CFAP65: variants seen among roughly 807,000 people sequenced by gnomAD.
CFAP65 encodes cilia and flagella associated protein 65.
A neutral mutation model predicts 208.0 loss-of-function variants in CFAP65; 155 were observed. That is an observed-to-expected ratio of 0.75 (90% confidence interval 0.65 to 0.85). The LOEUF (loss-of-function observed/expected upper bound fraction) is 0.85. Ranked by LOEUF, CFAP65 falls within the 40% of genes least tolerant of loss-of-function variation. The probability of loss-of-function intolerance (pLI) is 0.00; values close to 1 mark genes in which losing one functional copy is unlikely to be tolerated. For missense variants in CFAP65, 2,294 were observed against 2,451.3 expected (o/e 0.94, Z 1.36); for synonymous variants, 970 against 986.3 (o/e 0.98, Z 0.31).
chr2:219,038,370 C>T lies in CFAP65; in HGVS notation c.357+5G>A. The stretch of plus-strand genomic sequence containing the variant: ...CTGCTCTGCCTGCCCTGGCTGTATC[C>T]TTACCTGGGCGCTGATGGTGCTGCA... On this transcript the variant is annotated splice_donor_5th_base_variant and intron_variant, in intron 4 of 34. Transcript: ENST00000341552. 1 of 1,612,068 alleles carries T rather than the reference C, an allele frequency of 6.2e-7. No individual in the cohort carries two copies. Among genetic ancestry groups the T allele is most frequent in the Non-Finnish European group, 8.5e-7 (1 of 1,179,702 alleles).
At chr2:219,022,958 T>G (rs558709824) in intron 16 of CFAP65, among the ~76,000 whole-genome samples, 1 of 152,314 alleles carries the variant, frequency 6.6e-6, no homozygotes, top group African/African-American at 2.4e-5. Context: ...TCAGAAACAC[T>G]GGTTCCAGTC....
intron 19 of CFAP65, among the ~76,000 whole-genome samples, chr2:219,020,595 G>A (rs1466974880): frequency 6.6e-6 from 1 of 152,102 alleles, no homozygotes; most frequent in Non-Finnish European, 1.5e-5. Flanking sequence ...GCCCAGGCTG[G>A]TCTCGAACTC....
At position 219,003,328 on chromosome 2, in the gene CFAP65, G is replaced by T; in HGVS notation, c.5556-56C>A. The T allele has an allele frequency of 2.7e-6, 4 of 1,472,624 alleles. No individual in the cohort carries two copies. The South Asian group carries it at 4.2e-5, about 15-fold the overall frequency. The allele number at this position is 1,472,624 out of a possible 1,614,324, so 91.2% of individuals were successfully genotyped here. A position where few individuals can be genotyped will look rare whatever the true frequency, so the allele number is the denominator to read the frequency against. On this transcript the variant is annotated intron_variant, in intron 33 of 34. Transcript: ENST00000341552. The surrounding 1 kb of genome is among the most constrained non-coding windows in gnomAD (Gnocchi z 4.4). ...GGCCGCAGTGCCCGCGCGCCTCCTC[G>T]CTCGCCTGTCCGTGCGGTACATTGT...
rs1211157985 is a variant in CFAP65 at position 219,006,031 on chromosome 2, A to G, written c.4912T>C (p.Phe1638Leu). 1.9e-6 allele frequency: 3 copies of G among 1,613,298 alleles called. No individual in the cohort carries two copies. The highest frequency in any genetic ancestry group is 2.2e-5 in the East Asian group (1 of 44,872). ...TTCCCAAGAGCTTACCGGTGCAAAA[A>G]GTGGCAGGGAAACTCTGAGAAGAAG... ...ANFFSEFPCH[F>L]LHRELPKRKA... Residue 1638 changes from phenylalanine (F) to leucine (L), a missense_variant, in exon 31 of 35, where the codon TTT becomes CTT. By Grantham distance (22) the Phe-to-Leu change is conservative. Around this residue, in one of 2 missense-constraint regions of CFAP65, gnomAD observed 1,427 missense variants for 1,438.7 expected, o/e 0.99. Transcript: ENST00000341552.
chr2:219,005,226 A>G (rs189870245), intron 32 of CFAP65, among the ~76,000 whole-genome samples: 29 of 152,168 alleles, frequency 1.9e-4, no homozygotes, highest in African/African-American at 6.5e-4. Context: ...GGGTCTTGCT[A>G]TGTTGCCCAC....
chr2:219,004,238 A>C lies in CFAP65; in HGVS notation c.5269T>G (p.Leu1757Val), dbSNP rs762718817. 6.2e-7 allele frequency: 1 copy of C among 1,611,728 alleles called. No individual in the cohort carries two copies. Among genetic ancestry groups the C allele is most frequent in the Non-Finnish European group, 8.5e-7 (1 of 1,179,546 alleles). ...KEDRPEHYPG[L>V]GKKEEGEEEK... ...TCCTCCCCCTCTTCCTTCTTTCCCA[A>C]CCCTGGATAGTGCTCTGGTCTGTCT... Residue 1757 changes from leucine to valine, a missense_variant, in exon 33 of 35, where the codon TTG (leucine) becomes GTG (valine). Physicochemically the swap from Leu to Val is conservative, Grantham distance 32. Around this residue, in one of 2 missense-constraint regions of CFAP65, gnomAD observed 1,427 missense variants for 1,438.7 expected, o/e 0.99. Transcript: ENST00000341552. This position sits in a 1 kb window ranked among gnomAD's most constrained non-coding sequence, Gnocchi z 4.7.
At chr2:219,007,164 GTTTGTTTTTTTTTC>G (rs1402882222) in intron 29 of CFAP65, among the ~76,000 whole-genome samples, 2 of 140,506 alleles carry the variant, frequency 1.4e-5, no homozygotes, top group Non-Finnish European at 1.5e-5. Context: ...TGTTGTTTTT[GTTTGTTTTTTTTTC>G]TTTGTTTTTT....
chr2:219,022,046 G>C lies in CFAP65; in HGVS notation c.2980-116C>G, dbSNP rs556262284. Reference sequence around the variant, plus strand: ...GAAGGGCAAGTTTGGGGTATCCGGGGCAGAGGGCTCCTATCCTCTGCCCTC... The same window carrying C: ...GAAGGGCAAGTTTGGGGTATCCGGGCCAGAGGGCTCCTATCCTCTGCCCTC... On this transcript the variant is annotated intron_variant, in intron 17 of 34. Coordinates refer to ENST00000341552, the MANE Select transcript of CFAP65 (RefSeq NM_194302.4). 1.6e-4 allele frequency: 250 copies of C among 1,530,176 alleles called. 4 individuals are homozygous for C. The South Asian group carries it at 2.9e-3, about 18-fold the overall frequency. 94.8% of individuals were successfully genotyped at this position (1,530,176 alleles called of 1,614,324 possible). A position where few individuals can be genotyped will look rare whatever the true frequency, so the allele number is the denominator to read the frequency against.
chr2:219,003,364 C>T lies in CFAP65; in HGVS notation c.5556-92G>A. 7.1e-7 allele frequency: 1 copy of T among 1,413,162 alleles called. No individual in the cohort carries two copies. The highest frequency in any genetic ancestry group is 2.9e-5 in the Admixed American group (1 of 34,914). 87.5% of individuals were successfully genotyped at this position (1,413,162 alleles called of 1,614,324 possible). On this transcript the variant is annotated intron_variant, in intron 33 of 34. Coordinates refer to ENST00000341552, the MANE Select transcript of CFAP65 (RefSeq NM_194302.4). This position sits in a 1 kb window ranked among gnomAD's most constrained non-coding sequence, Gnocchi z 4.4. ...CGTGCGGTACATTGTGCCGCGAGCT[C>T]TACGGAGATTCCCATTCGACTCCCC...
intron 24 of CFAP65, 37 bp downstream of exon 24, chr2:219,013,222 G>C: frequency 1.5e-6 from 2 of 1,371,572 alleles, no homozygotes; most frequent in Non-Finnish European, 2.1e-6. Context: ...TCAACACTTA[G>C]GCCTTCTTGG....
chr2:219,021,838 G>C lies in CFAP65; in HGVS notation c.3072C>G (p.Leu1024=). The C allele has an allele frequency of 1.2e-6, 2 of 1,613,830 alleles. No homozygotes were observed. Among genetic ancestry groups the C allele is most frequent in the Non-Finnish European group, 1.7e-6 (2 of 1,180,020 alleles). Residue 1024 remains leucine (L), a synonymous_variant, in exon 18 of 35, where the codon CTC becomes CTG. Coordinates refer to ENST00000341552, the MANE Select transcript of CFAP65 (RefSeq NM_194302.4). ...CCTGCTCCAGGTAGAGGCGGTAATAGAGGGTGCAGTTGCCGTCATTCAGGA... is the reference window on the plus strand; with the variant it reads ...CCTGCTCCAGGTAGAGGCGGTAATACAGGGTGCAGTTGCCGTCATTCAGGA... The part of the protein sequence containing the change: ...LVLLNDGNCT[L]YYRLYLEQGS...
chr2:219,005,953 C>A, intron 31 of CFAP65, 68 bp downstream of exon 31: 3 of 1,512,762 alleles, frequency 2.0e-6, no homozygotes, highest in Non-Finnish European at 2.7e-6. Flanking sequence ...TCTGGGCAGC[C>A]CCTGCTCTGG....
In CFAP65 at chr2:219,035,679, G is replaced by A; in HGVS notation, c.358-15C>T. On this transcript the variant is annotated splice_polypyrimidine_tract_variant and intron_variant, in intron 4 of 34. Coordinates refer to ENST00000341552, the MANE Select transcript of CFAP65 (RefSeq NM_194302.4). ...GAGCTTGCGGGCTGTTCAGGTGGCA[G>A]GGAGAAGGGGGAGCAGAAAGGATGT... The A allele has an allele frequency of 1.3e-6, 2 of 1,598,904 alleles. No homozygotes were observed. The highest frequency in any genetic ancestry group is 1.7e-6 in the Non-Finnish European group (2 of 1,171,238).
intron 29 of CFAP65, among the ~76,000 whole-genome samples, chr2:219,006,899 C>A (rs1213700561): frequency 6.6e-6 from 1 of 151,824 alleles, no homozygotes; most frequent in Non-Finnish European, 1.5e-5. Flanking sequence ...CCTCTTGCTG[C>A]CCTCTTGGTC....
At chr2:219,015,519 T>G (rs1946816075) in intron 21 of CFAP65, 1 of 152,220 alleles carries the variant, frequency 6.6e-6, no homozygotes, top group African/African-American at 2.4e-5. Flanking sequence ...TTTTTTCACA[T>G]CTGAAGCATG....
In CFAP65 at chr2:219,036,419, C is replaced by T. The variant is rs56034752; in HGVS notation, c.358-755G>A. On this transcript the variant is annotated intron_variant, in intron 4 of 34. Coordinates refer to ENST00000341552, the MANE Select transcript of CFAP65 (RefSeq NM_194302.4). ...TCCTCCAACCACAGTCACTGCCATG[C>T]GCACTCAACTCATTGGCATTTTATC... 4.6e-5 allele frequency among the ~76,000 whole-genome samples: 7 copies of T among 151,708 alleles called. No homozygotes were observed. The South Asian group carries it at 1.3e-3, about 27-fold the overall frequency.
chr2:219,023,563 C>T (rs146845355), intron 15 of CFAP65, 132 bp from the exon 16 acceptor site: 36 of 663,074 alleles, frequency 5.4e-5, no homozygotes, highest in Middle Eastern at 4.0e-4. Flanking sequence ...TCTGCCAGCC[C>T]GTGTACCGGC....
chr2:219,041,353 C>G, intron 1 of CFAP65, 135 bp downstream of exon 1: 1 of 820,550 alleles, frequency 1.2e-6, no homozygotes. Context: ...TCCCATGGGG[C>G]TCTCTGAAGG....
intron 24 of CFAP65, among the ~76,000 whole-genome samples, chr2:219,013,036 T>C (rs942979765): frequency 1.3e-5 from 2 of 152,212 alleles, no homozygotes; most frequent in African/African-American, 4.8e-5. Flanking sequence ...CATTTTTTAA[T>C]TGGAACTGGG....
Sources: gnomAD v4.1 joint callset for allele counts (sites outside exome capture counted in the v4.1 genomes callset) on GRCh38, gnomAD v4.1.1 for gene constraint, gnomAD v4.1.1 regional missense constraint, Gnocchi (gnomAD v3.1) non-coding constraint, MANE v1.5 for transcripts, NCBI Gene and HGNC (gene_info 2026-07-23, HGNC 2026-07-21) for gene names.